The following SYT1 variants were observed in gnomAD, a reference collection of about 807,000 sequenced individuals.
The protein encoded by SYT1 is synaptotagmin 1.
Under a neutral mutation model 44.8 loss-of-function variants are expected in SYT1, and 8 were observed. The ratio of observed to expected loss-of-function variants is 0.18; its 90% CI spans 0.10 to 0.32. SYT1 has a LOEUF of 0.32. Among genes scored for constraint, SYT1 ranks in the 10% least tolerant of loss-of-function variants. The probability of loss-of-function intolerance (pLI) is 1.00; values close to 1 mark genes in which losing one functional copy is unlikely to be tolerated. For synonymous variants in SYT1, 154 were observed against 188.8 expected, an observed-to-expected ratio of 0.82 and a Z score of 1.51; for missense variants, 286 against 509.3, an observed-to-expected ratio of 0.56 and a Z score of 4.22.
At chr12:79,352,624 T>C (rs1041816395) in intron 8 of SYT1, among the ~76,000 whole-genome samples, 1 of 152,154 alleles carries the variant, frequency 6.6e-6, no homozygotes, top group East Asian at 1.9e-4. Flanking sequence ...TGTTGAACAA[T>C]AATTTGGTTC....
At chr12:79,276,738 C>T (rs191262658) in intron 4 of SYT1, among the ~76,000 whole-genome samples, 28 of 150,438 alleles carry the variant, frequency 1.9e-4, no homozygotes, top group African/African-American at 3.9e-4. Flanking sequence ...AATTACACAA[C>T]GCAGTTGAAA....
At chr12:79,383,053 G>C (rs1884290763) in intron 9 of SYT1, among the ~76,000 whole-genome samples, 2 of 151,942 alleles carry the variant, frequency 1.3e-5, no homozygotes, top group Non-Finnish European at 2.9e-5. Context: ...GCTAATAGAG[G>C]CCTTATAGTG....
chr12:79,088,754 GTGTGTGT>G (rs1254167673), intron 3 of SYT1, among the ~76,000 whole-genome samples: 5 of 150,394 alleles, frequency 3.3e-5, no homozygotes, highest in African/African-American at 1.2e-4. Flanking sequence ...GTGTGTGTGT[GTGTGTGT>G]GTGTGTGTGT....
chr12:78,868,476 G>A (rs1009043213), intron 1 of SYT1, among the ~76,000 whole-genome samples: 7 of 151,676 alleles, frequency 4.6e-5, no homozygotes, highest in Non-Finnish European at 1.0e-4. Flanking sequence ...GCTGATTTTA[G>A]CTGAAATTTT....
chr12:78,911,489 G>C (rs546713656), intron 1 of SYT1, among the ~76,000 whole-genome samples: 6 of 150,756 alleles, frequency 4.0e-5, no homozygotes, highest in African/African-American at 1.5e-4. Context: ...AGCTGATAGA[G>C]GAAAGACTAA....
intron 1 of SYT1, among the ~76,000 whole-genome samples, chr12:78,922,709 G>C (rs1204763902): frequency 6.6e-6 from 1 of 151,850 alleles, no homozygotes; most frequent in Non-Finnish European, 1.5e-5. Flanking sequence ...ATGGACACAT[G>C]CTGTATATTT....
chr12:78,879,220 G>A (rs1874330590), intron 1 of SYT1, among the ~76,000 whole-genome samples: 1 of 151,870 alleles, frequency 6.6e-6, no homozygotes, highest in Middle Eastern at 3.4e-3. Flanking sequence ...TATATAGGAG[G>A]TGATGCATAA....
At chr12:79,063,571 GA>G (rs1418439088) in intron 3 of SYT1, among the ~76,000 whole-genome samples, 2 of 152,092 alleles carry the variant, frequency 1.3e-5, no homozygotes, top group Non-Finnish European at 2.9e-5. Flanking sequence ...ATAAGTGGAG[GA>G]GGGGGAAGGA....
chr12:78,988,089 C>T (rs567607730), intron 2 of SYT1, among the ~76,000 whole-genome samples: 67 of 152,144 alleles, frequency 4.4e-4, no homozygotes, highest in African/African-American at 1.6e-3. Flanking sequence ...TGTCATCTCT[C>T]TCATTCAGTC....
chr12:79,094,133 T>C (rs1877962235), intron 3 of SYT1, among the ~76,000 whole-genome samples: 1 of 151,786 alleles, frequency 6.6e-6, no homozygotes, highest in African/African-American at 2.4e-5. Context: ...TTAAAGAATA[T>C]TCATTATCTA....
intron 8 of SYT1, among the ~76,000 whole-genome samples, chr12:79,318,634 T>C (rs1881213196): frequency 6.6e-6 from 1 of 152,356 alleles, no homozygotes. Flanking sequence ...TGGAATGTAG[T>C]CAGAGGTTGA....
chr12:78,909,243 A>C (rs565532566), intron 1 of SYT1, among the ~76,000 whole-genome samples: 2 of 152,106 alleles, frequency 1.3e-5, no homozygotes, highest in Admixed American at 1.3e-4. Flanking sequence ...TAATTACTTT[A>C]TGAAATTAAA....
rs948300655 is a variant in SYT1, at chr12:79,267,420, A to T, written c.167-18367A>T. 8.5e-5 allele frequency among the ~76,000 whole-genome samples: 13 copies of T among 152,330 alleles called. No homozygotes were observed. The East Asian group carries it at 1.7e-3, about 20-fold the overall frequency. On this transcript the variant is annotated intron_variant, in intron 4 of 10. Transcript: ENST00000261205. ...ATTGTTAACCAAATTGAAAGTGTCAAAATAAAGCCAAATACAAATTGGGTC... is the reference window on the plus strand; with the variant it reads ...ATTGTTAACCAAATTGAAAGTGTCATAATAAAGCCAAATACAAATTGGGTC...
chr12:78,907,974 T>C (rs1417225655), intron 1 of SYT1, among the ~76,000 whole-genome samples: 1 of 152,076 alleles, frequency 6.6e-6, no homozygotes, highest in Admixed American at 6.6e-5. Context: ...TTCTAGGGTC[T>C]GAAGTATCTG....
chr12:79,001,275 C>T (rs756491400), intron 2 of SYT1, among the ~76,000 whole-genome samples: 4 of 150,326 alleles, frequency 2.7e-5, no homozygotes, highest in Admixed American at 6.6e-5. Flanking sequence ...AAAAAAAAGC[C>T]CCTATCCTTC....
intron 9 of SYT1, among the ~76,000 whole-genome samples, chr12:79,391,707 T>C (rs1460392591): frequency 6.6e-6 from 1 of 152,110 alleles, no homozygotes; most frequent in East Asian, 1.9e-4. Context: ...CAGTTTTGAG[T>C]AGACAGTAAG....
intron 2 of SYT1, among the ~76,000 whole-genome samples, chr12:79,037,951 A>C (rs1201036169): frequency 6.6e-6 from 1 of 151,820 alleles, no homozygotes; most frequent in African/African-American, 2.4e-5. Flanking sequence ...CAGTATTGAT[A>C]ATGAAAATGG....
intron 9 of SYT1, among the ~76,000 whole-genome samples, chr12:79,422,145 G>C (rs1869159063): frequency 6.6e-6 from 1 of 151,834 alleles, no homozygotes; most frequent in Non-Finnish European, 1.5e-5. Context: ...TATTGTTTTT[G>C]TACTCAGCCT....
intron 1 of SYT1, among the ~76,000 whole-genome samples, chr12:78,927,443 C>T (rs368078513): frequency 6.6e-6 from 1 of 152,010 alleles, no homozygotes; most frequent in African/African-American, 2.4e-5. Flanking sequence ...GATTAGTGTG[C>T]GTCATTTAAA....
Sources: gnomAD v4.1 joint callset for allele counts (sites outside exome capture counted in the v4.1 genomes callset) on GRCh38, gnomAD v4.1.1 for gene constraint, MANE v1.5 for transcripts, NCBI Gene and HGNC (gene_info 2026-07-23, HGNC 2026-07-21) for gene names.